Variants in SUFU observed in about 807,000 individuals in gnomAD.
SUFU encodes the protein suppressor of fused homolog.
Under a neutral mutation model 58.9 loss-of-function variants are expected in SUFU, and 7 were observed. The ratio of observed to expected loss-of-function variants is 0.12; its 90% CI spans 0.07 to 0.22. The LOEUF (loss-of-function observed/expected upper bound fraction) is 0.22. Among genes scored for constraint, SUFU ranks in the 10% least tolerant of loss-of-function variants. The pLI is 1.00. For synonymous variants in SUFU, 232 were observed against 254.8 expected, an observed-to-expected ratio of 0.91 and a Z score of 0.85; for missense variants, 451 against 641.3, an observed-to-expected ratio of 0.70 and a Z score of 3.20.
chr10:102,543,526 A>G (rs986822356), intron 2 of SUFU, among the ~76,000 whole-genome samples: 1 of 152,206 alleles, frequency 6.6e-6, no homozygotes, highest in Non-Finnish European at 1.5e-5. Flanking sequence ...ATCTAATTTT[A>G]GAACTTTTTC....
Position 102,599,433 on chromosome 10 carries a change from A to G in SUFU, c.911A>G (p.Asp304Gly). Residue 304 changes from aspartate to glycine, a missense_variant and splice_region_variant, in exon 8 of 12, where the codon GAC (aspartate) becomes GGC (glycine). Coordinates refer to ENST00000369902, the MANE Select transcript of SUFU (RefSeq NM_016169.4). ...GTQPRRLSGK[D>G]TEQIRETLRR... ...GGGCAACTTAGTGGTGTCGTTGCAGACACAGAGCAGATCCGGGAGACCCTG... is the reference window on the plus strand; with the variant it reads ...GGGCAACTTAGTGGTGTCGTTGCAGGCACAGAGCAGATCCGGGAGACCCTG... The G allele has an allele frequency of 6.2e-7, 1 of 1,613,646 alleles. No homozygotes were observed. The highest frequency in any genetic ancestry group is 8.5e-7 in the Non-Finnish European group (1 of 1,179,606).
At chr10:102,572,692 T>C in intron 3 of SUFU, 1 of 617,632 alleles carries the variant, frequency 1.6e-6, no homozygotes, top group Middle Eastern at 4.9e-4. Flanking sequence ...ATGCCCAGCC[T>C]TTTTTTTGTT....
Position 102,534,727 on chromosome 10 carries a change from G to A in SUFU, c.318-15243G>A, listed in dbSNP as rs149049176. Among the ~76,000 whole-genome samples, 863 of 152,358 alleles carry A rather than the reference G, an allele frequency of 5.7e-3. 4 individuals are homozygous for A. The highest frequency in any genetic ancestry group is 7.9e-3 in the Non-Finnish European group (535 of 68,028). On this transcript the variant is annotated intron_variant, in intron 2 of 11. Coordinates refer to ENST00000369902, the MANE Select transcript of SUFU (RefSeq NM_016169.4). ...GCTGGCATTCCAAGCATGTGCTGGA[G>A]TTTGGGTGAGTGGTCCTTGGACTTG...
intron 9 of SUFU, among the ~76,000 whole-genome samples, chr10:102,615,823 C>T (rs1050220381): frequency 6.6e-6 from 1 of 152,200 alleles, no homozygotes; most frequent in Non-Finnish European, 1.5e-5. Context: ...GTCCCCAATG[C>T]GCCCAGCACT....
In SUFU at chr10:102,504,299, G is replaced by A. The variant is rs1554840859; in HGVS notation, c.147G>A (p.Pro49=). Residue 49 remains proline, a synonymous_variant, in exon 1 of 12, where the codon CCG becomes CCA. Transcript: ENST00000369902. Reference sequence around the variant, plus strand: ...GCCGCCGCCTTTACCCTGACCAGCCGAACCCGCTCCAGGTTACCGCTATCG... The same window carrying A: ...GCCGCCGCCTTTACCCTGACCAGCCAAACCCGCTCCAGGTTACCGCTATCG... The part of the protein sequence containing the change: ...GECRRLYPDQ[P]NPLQVTAIVK... The A allele has an allele frequency of 6.2e-7, 1 of 1,609,684 alleles. No homozygotes were observed.
At chr10:102,555,537 G>A (rs1241880811) in intron 3 of SUFU, among the ~76,000 whole-genome samples, 2 of 152,178 alleles carry the variant, frequency 1.3e-5, no homozygotes, top group Non-Finnish European at 2.9e-5. Context: ...TTCAGTTCAG[G>A]TGTGGCTCCT....
At chr10:102,510,626 A>G (rs2062389510) in intron 2 of SUFU, among the ~76,000 whole-genome samples, 1 of 151,662 alleles carries the variant, frequency 6.6e-6, no homozygotes, top group Admixed American at 6.5e-5. Flanking sequence ...GTTCGAGACC[A>G]GCCCGGCCAA....
At chr10:102,524,216 G>C (rs530111637) in intron 2 of SUFU, among the ~76,000 whole-genome samples, 1 of 152,098 alleles carries the variant, frequency 6.6e-6, no homozygotes, top group South Asian at 2.1e-4. Context: ...ATGTTACCCA[G>C]GCTGGTCTCG....
chr10:102,552,650 A>G (rs1369838625), intron 3 of SUFU, among the ~76,000 whole-genome samples: 1 of 152,230 alleles, frequency 6.6e-6, no homozygotes, highest in African/African-American at 2.4e-5. Context: ...TGTATGTGAA[A>G]TTCCCTGGAT....
At chr10:102,577,239 A>T (rs1339658868) in intron 3 of SUFU, among the ~76,000 whole-genome samples, 1 of 151,508 alleles carries the variant, frequency 6.6e-6, no homozygotes, top group Non-Finnish European at 1.5e-5. Flanking sequence ...GTCCACTAAC[A>T]CGCCAAGCTA....
At position 102,619,684 on chromosome 10, in the gene SUFU, C is replaced by A. The variant is rs1468176355; in HGVS notation, c.1296+2256C>A. Among the ~76,000 whole-genome samples, 1 of 152,220 alleles carries A rather than the reference C, an allele frequency of 6.6e-6. No homozygotes were observed. The highest frequency in any genetic ancestry group is 2.4e-5 in the African/African-American group (1 of 41,450). Reference sequence around the variant, plus strand: ...CAACACCCACACCAGCCCTCCTCCCCCTGCCAGGCAGTCAGCACTTTCTCC... The same window carrying A: ...CAACACCCACACCAGCCCTCCTCCCACTGCCAGGCAGTCAGCACTTTCTCC... On this transcript the variant is annotated intron_variant, in intron 10 of 11. Transcript: ENST00000369902. This position sits in a 1 kb window ranked among gnomAD's most constrained non-coding sequence, Gnocchi z 4.2.
chr10:102,598,103 T>C (rs1217484903), intron 7 of SUFU, among the ~76,000 whole-genome samples: 1 of 152,240 alleles, frequency 6.6e-6, no homozygotes, highest in East Asian at 1.9e-4. Flanking sequence ...AAAAGGTTTT[T>C]GTTCGTTCTG....
intron 2 of SUFU, among the ~76,000 whole-genome samples, chr10:102,525,729 C>T (rs962636306): frequency 1.3e-5 from 2 of 152,154 alleles, no homozygotes; most frequent in Non-Finnish European, 2.9e-5. Context: ...GTCTTGAACT[C>T]CTGACCTCAG....
At chr10:102,530,381 A>C (rs1307147347) in intron 2 of SUFU, among the ~76,000 whole-genome samples, 1 of 151,458 alleles carries the variant, frequency 6.6e-6, no homozygotes, top group East Asian at 1.9e-4. Context: ...ACTCTGCCTA[A>C]GTCCTTCAGC....
Position 102,630,269 on chromosome 10 carries a change from A to G in SUFU, c.*114A>G. 1 of 969,318 alleles carries G rather than the reference A, an allele frequency of 1.0e-6. No individual in the cohort carries two copies. The highest frequency in any genetic ancestry group is 1.6e-6 in the Non-Finnish European group (1 of 620,170). 60.0% of individuals were successfully genotyped at this position (969,318 alleles called of 1,614,324 possible). A position where few individuals can be genotyped will look rare whatever the true frequency, so the allele number is the denominator to read the frequency against. On this transcript the variant is annotated 3_prime_UTR_variant, in exon 12 of 12. Coordinates refer to ENST00000369902, the MANE Select transcript of SUFU (RefSeq NM_016169.4). ...AAATAAAAGGACAAGTGTGAGGAAGACTGCGCAGTGCCACCCCGCAGCCCA... is the reference window on the plus strand; with the variant it reads ...AAATAAAAGGACAAGTGTGAGGAAGGCTGCGCAGTGCCACCCCGCAGCCCA...
Position 102,592,694 on chromosome 10 carries a change from G to T in SUFU, c.567G>T (p.Gln189His). 2 of 1,614,222 alleles carry T rather than the reference G, an allele frequency of 1.2e-6. No homozygotes were observed. Among genetic ancestry groups the T allele is most frequent in the South Asian group, 2.2e-5 (2 of 91,090 alleles). Residue 189 changes from glutamine (Q) to histidine (H), a missense_variant, in exon 4 of 12, where the codon CAG becomes CAT. Physicochemically the swap from Gln to His is conservative, Grantham distance 24. Coordinates refer to ENST00000369902, the MANE Select transcript of SUFU (RefSeq NM_016169.4). ...AGGACCCACAGATGCAGCCCGTGCAGACACCCTTTGGGGTAGTTACCTTCC... is the reference window on the plus strand; with the variant it reads ...AGGACCCACAGATGCAGCCCGTGCATACACCCTTTGGGGTAGTTACCTTCC... The part of the protein sequence containing the change: ...LTEDPQMQPV[Q>H]TPFGVVTFLQ...
intron 2 of SUFU, among the ~76,000 whole-genome samples, chr10:102,522,098 C>T (rs532143619): frequency 5.3e-5 from 8 of 152,328 alleles, no homozygotes; most frequent in Admixed American, 2.0e-4. Flanking sequence ...ACCTGCTTAA[C>T]GCTGTTGTCT....
At chr10:102,591,267 G>T (rs779601883) in intron 3 of SUFU, among the ~76,000 whole-genome samples, 1 of 152,156 alleles carries the variant, frequency 6.6e-6, no homozygotes, top group East Asian at 1.9e-4. Context: ...TTGGGAGGCC[G>T]AGGAGGGCGG....
rs764695403 is a variant in SUFU, at chr10:102,593,728, A to T, written c.683+7A>T. 6.2e-7 allele frequency: 1 copy of T among 1,613,994 alleles called. No homozygotes were observed. Among genetic ancestry groups the T allele is most frequent in the Non-Finnish European group, 8.5e-7 (1 of 1,179,912 alleles). ...TGCTGCGGACAGTGCCTATGTGAGT[A>T]CCCATGCAAGGTGGGAGCGCGGCTC... On this transcript the variant is annotated splice_region_variant and intron_variant, in intron 5 of 11. Transcript: ENST00000369902.
Sources: gnomAD v4.1 joint callset for allele counts (sites outside exome capture counted in the v4.1 genomes callset) on GRCh38, gnomAD v4.1.1 for gene constraint, Gnocchi (gnomAD v3.1) non-coding constraint, MANE v1.5 for transcripts, NCBI Gene and HGNC (gene_info 2026-07-23, HGNC 2026-07-21) for gene names.